NAV2: variants seen among roughly 807,000 people sequenced by gnomAD.
NAV2 encodes neuron navigator 2.
A neutral mutation model predicts 223.2 loss-of-function variants in NAV2; 54 were observed. The ratio of observed to expected loss-of-function variants is 0.24; its 90% CI spans 0.19 to 0.30. NAV2 has a LOEUF of 0.30. Among genes scored for constraint, NAV2 ranks in the 10% least tolerant of loss-of-function variants. The pLI is 1.00. For missense variants in NAV2, 2,806 were observed against 3,147.5 expected (o/e 0.89, Z 2.60); for synonymous variants, 1,279 against 1,239.3 (o/e 1.03, Z -0.67).
At chr11:20,103,895 C>T (rs1414529089) in intron 34 of NAV2, among the ~76,000 whole-genome samples, 171 bp downstream of exon 34, 2 of 152,198 alleles carry the variant, frequency 1.3e-5, no homozygotes, top group East Asian at 3.9e-4. Flanking sequence ...TAATTACATT[C>T]ACCACTCTCA....
chr11:19,664,602 C>T (rs1379702040), intron 1 of NAV2, among the ~76,000 whole-genome samples: 1 of 152,168 alleles, frequency 6.6e-6, no homozygotes, highest in Admixed American at 6.5e-5. Context: ...TCCATCTATA[C>T]AGCTTCCAGC....
At chr11:20,107,471 GGA>G in intron 35 of NAV2, 191 bp from the exon 36 acceptor site, 2 of 596,870 alleles carry the variant, frequency 3.4e-6, no homozygotes, top group Non-Finnish European at 5.9e-6. Flanking sequence ...ACCCCCAGGT[GGA>G]ATCAGGGATC....
In NAV2 at chr11:19,589,914, G is replaced by A. The variant is rs79895427; in HGVS notation, c.75+238887G>A. ...AAGCATCCAAGAGGGCACAGGAGGC[G>A]GGATTCCAGCCTAGGCTCAGCCCTG... On this transcript the variant is annotated intron_variant, in intron 1 of 37. Coordinates refer to the NAV2 transcript ENST00000360655. Among the ~76,000 whole-genome samples the A allele has an allele frequency of 7.1e-3, 1,086 of 152,296 alleles. 24 individuals carry two copies. Among genetic ancestry groups the A allele is most frequent in the Admixed American group, 0.035 (539 of 15,312 alleles).
chr11:19,787,058 A>C (rs35924205), intron 1 of NAV2, among the ~76,000 whole-genome samples: 4 of 152,170 alleles, frequency 2.6e-5, no homozygotes, highest in Admixed American at 6.5e-5. Flanking sequence ...GAAGAACTGT[A>C]TGATAACCAC....
intron 1 of NAV2, among the ~76,000 whole-genome samples, chr11:19,408,959 TC>T (rs554869420): frequency 5.3e-4 from 75 of 142,214 alleles, no homozygotes; most frequent in African/African-American, 1.9e-3. Context: ...TACTTGGCTT[TC>T]TTCATGAGCT....
intron 1 of NAV2, among the ~76,000 whole-genome samples, chr11:19,678,445 C>T (rs950955715): frequency 1.3e-5 from 2 of 152,204 alleles, no homozygotes; most frequent in African/African-American, 4.8e-5. Flanking sequence ...GGTGTCTCAC[C>T]TGCACTGGGA....
intron 1 of NAV2, among the ~76,000 whole-genome samples, chr11:19,584,834 G>A (rs1359338271): frequency 6.6e-6 from 1 of 152,214 alleles, no homozygotes; most frequent in Non-Finnish European, 1.5e-5. Context: ...GTGATGTGGT[G>A]CTGAAAAGAA....
intron 1 of NAV2, among the ~76,000 whole-genome samples, chr11:19,513,633 C>A (rs1295341714): frequency 6.6e-6 from 1 of 152,180 alleles, no homozygotes; most frequent in Non-Finnish European, 1.5e-5. Flanking sequence ...TGTGGGCCAA[C>A]TATTATGGGT....
At chr11:19,539,747 G>GCTTT (rs772821499) in intron 1 of NAV2, among the ~76,000 whole-genome samples, 11 of 152,232 alleles carry the variant, frequency 7.2e-5, no homozygotes, top group Admixed American at 2.6e-4. Context: ...CCTTTTCATT[G>GCTTT]CATACTGAAT....
chr11:19,975,013 T>TC (rs1214325021), intron 10 of NAV2, among the ~76,000 whole-genome samples: 1 of 152,224 alleles, frequency 6.6e-6, no homozygotes, highest in Non-Finnish European at 1.5e-5. Flanking sequence ...TTCCTGGATA[T>TC]CAGTCCATCT....
chr11:19,469,731 T>G (rs751176253), intron 1 of NAV2, among the ~76,000 whole-genome samples: 1 of 152,212 alleles, frequency 6.6e-6, no homozygotes, highest in Non-Finnish European at 1.5e-5. Flanking sequence ...AACTGGGCTA[T>G]GATATTTTCT....
At chr11:19,435,669 A>G (rs1238865526) in intron 1 of NAV2, among the ~76,000 whole-genome samples, 2 of 152,276 alleles carry the variant, frequency 1.3e-5, no homozygotes, top group South Asian at 2.1e-4. Flanking sequence ...CAAAATGCCT[A>G]TACTGATTTA....
chr11:19,445,173 G>A (rs2632010), intron 1 of NAV2, among the ~76,000 whole-genome samples: 105,155 of 152,058 alleles, frequency 0.69, 36,998 homozygotes, highest in East Asian at 0.82. Context: ...GTGCAAAACA[G>A]ACAGTCAAAC....
intron 1 of NAV2, among the ~76,000 whole-genome samples, chr11:19,431,532 G>T (rs1851036070): frequency 6.6e-6 from 1 of 152,116 alleles, no homozygotes; most frequent in Non-Finnish European, 1.5e-5. Context: ...GAATTCTGTT[G>T]CACTAGAACA....
chr11:19,439,434 A>G (rs1851323553), intron 1 of NAV2, among the ~76,000 whole-genome samples: 1 of 152,194 alleles, frequency 6.6e-6, no homozygotes. Flanking sequence ...CCAGATGGGC[A>G]CCACATAATC....
chr11:19,725,187 T>C (rs1017500064), intron 1 of NAV2, among the ~76,000 whole-genome samples: 1 of 152,212 alleles, frequency 6.6e-6, no homozygotes, highest in African/African-American at 2.4e-5. Context: ...TTGTTTCCAT[T>C]GTACAGATGA....
At chr11:19,745,407 C>T (rs2053249137) in intron 1 of NAV2, among the ~76,000 whole-genome samples, 1 of 152,192 alleles carries the variant, frequency 6.6e-6, no homozygotes, top group South Asian at 2.1e-4. Flanking sequence ...TATCTTGGCT[C>T]CTAAGCATTG....
At chr11:19,558,149 G>T (rs1221778526) in intron 1 of NAV2, among the ~76,000 whole-genome samples, 1 of 152,166 alleles carries the variant, frequency 6.6e-6, no homozygotes, top group Non-Finnish European at 1.5e-5. Flanking sequence ...TCTCCATGGG[G>T]TTGATATGAG....
At chr11:19,877,815 G>C (rs1253667184) in intron 4 of NAV2, among the ~76,000 whole-genome samples, 1 of 152,046 alleles carries the variant, frequency 6.6e-6, no homozygotes, top group Non-Finnish European at 1.5e-5. Context: ...CTGCCCAGTT[G>C]GGTGACTATA....
Sources: allele counts gnomAD v4.1 joint callset (sites outside exome capture counted in the v4.1 genomes callset), GRCh38; gene constraint gnomAD v4.1.1; transcripts MANE v1.5; gene names NCBI Gene and HGNC (gene_info 2026-07-23, HGNC 2026-07-21).